The following ELAPOR2 variants were observed in gnomAD, a reference collection of about 807,000 sequenced individuals.
ELAPOR2 encodes the protein endosome-lysosome associated apoptosis and autophagy regulator family member 2.
Under a neutral mutation model 120.7 loss-of-function variants are expected in ELAPOR2, and 89 were observed. The observed-to-expected ratio is 0.74, with a 90% CI of 0.62 to 0.88. The LOEUF is 0.88. Ranked by LOEUF, ELAPOR2 falls within the 40% of genes least tolerant of loss-of-function variation. The probability of loss-of-function intolerance (pLI) is 0.00; values close to 1 mark genes in which losing one functional copy is unlikely to be tolerated. For synonymous variants in ELAPOR2, 444 were observed against 444.9 expected (o/e 1.00, Z 0.03); for missense variants, 1,134 against 1,251.6 (o/e 0.91, Z 1.42).
chr7:86,983,464 C>A (rs1792590315), intron 1 of ELAPOR2, among the ~76,000 whole-genome samples: 1 of 152,164 alleles, frequency 6.6e-6, no homozygotes, highest in South Asian at 2.1e-4. Flanking sequence ...CAAAGGGAAG[C>A]CCAACAGACT....
At chr7:87,017,674 A>G (rs529843577) in intron 1 of ELAPOR2, among the ~76,000 whole-genome samples, 16 of 152,206 alleles carry the variant, frequency 1.1e-4, no homozygotes, top group African/African-American at 2.6e-4. Context: ...TAATCCCAAC[A>G]CTTTGGGAGG....
intron 10 of ELAPOR2, among the ~76,000 whole-genome samples, 195 bp downstream of exon 10, chr7:86,925,333 G>A (rs1315842742): frequency 2.6e-5 from 4 of 151,882 alleles, no homozygotes; most frequent in African/African-American, 9.7e-5. Context: ...TTAATAGTTT[G>A]TTCTTCTATG....
At chr7:87,049,430 C>A (rs916272856) in intron 1 of ELAPOR2, among the ~76,000 whole-genome samples, 1 of 152,058 alleles carries the variant, frequency 6.6e-6, no homozygotes, top group Admixed American at 6.6e-5. Context: ...CACAGGCTCC[C>A]GCCACCATGC....
intron 1 of ELAPOR2, among the ~76,000 whole-genome samples, chr7:86,998,448 G>C (rs576603104): frequency 3.5e-4 from 53 of 152,324 alleles, no homozygotes; most frequent in African/African-American, 1.3e-3. Flanking sequence ...TTATAGAGTA[G>C]TGGAGCTAAA....
chr7:86,936,788 A>G (rs1453784662), intron 8 of ELAPOR2, among the ~76,000 whole-genome samples: 1 of 152,064 alleles, frequency 6.6e-6, no homozygotes, highest in Admixed American at 6.6e-5. Context: ...ATTTTGTCAC[A>G]CTACTTACTG....
At chr7:86,902,695 G>A (rs1248271299) in intron 18 of ELAPOR2, among the ~76,000 whole-genome samples, 2 of 152,130 alleles carry the variant, frequency 1.3e-5, no homozygotes, top group Non-Finnish European at 2.9e-5. Flanking sequence ...AATGGGGTGG[G>A]GCCTTGGGAA....
At chr7:86,889,263 G>A in intron 21 of ELAPOR2, among the ~76,000 whole-genome samples, 1 of 151,932 alleles carries the variant, frequency 6.6e-6, no homozygotes, top group Non-Finnish European at 1.5e-5. Flanking sequence ...CTGGATTAAT[G>A]TATCTGGATT....
chr7:86,954,287 T>C (rs1033433379), intron 2 of ELAPOR2, among the ~76,000 whole-genome samples: 2 of 152,190 alleles, frequency 1.3e-5, no homozygotes, highest in African/African-American at 4.8e-5. Flanking sequence ...TTGAATCATT[T>C]ATATGCTGAT....
At chr7:87,011,754 C>A (rs1793687546) in intron 1 of ELAPOR2, among the ~76,000 whole-genome samples, 2 of 151,958 alleles carry the variant, frequency 1.3e-5, no homozygotes, top group Admixed American at 6.6e-5. Context: ...TACTTTCTAA[C>A]AATATTAAAG....
In ELAPOR2 at chr7:86,938,634, G is replaced by A. The variant is rs571595830; in HGVS notation, c.1000+174C>T. The stretch of plus-strand genomic sequence containing the variant: ...AAATCACAGACCTATACTGGGGAAA[G>A]TCATGCAGAAACGGATAAGATGTCA... On this transcript the variant is annotated intron_variant, in intron 7 of 21. Coordinates refer to ENST00000450689, the MANE Select transcript of ELAPOR2 (RefSeq NM_001142749.3). Among the ~76,000 whole-genome samples, 25 of 152,062 alleles carry A rather than the reference G, an allele frequency of 1.6e-4. 1 individual carries two copies. The highest frequency in any genetic ancestry group is 3.2e-4 in the Non-Finnish European group (22 of 67,992).
At position 86,942,099 on chromosome 7, in the gene ELAPOR2, T is replaced by C. The variant is rs61730519; in HGVS notation, c.660A>G (p.Gln220=). 6.5e-7 allele frequency: 1 copy of C among 1,542,596 alleles called. No homozygotes were observed. ...TGTCCATCTCCTGGCACTGATCATTTTGAATCTGTGGATTAAACACAAGAG... is the reference window on the plus strand; with the variant it reads ...TGTCCATCTCCTGGCACTGATCATTCTGAATCTGTGGATTAAACACAAGAG... ...DNNIFFEFFI[Q]NDQCQEMDTT... The change falls in exon 5 of 22, where the codon CAA becomes CAG. Residue 220 remains glutamine, a synonymous_variant. Transcript: ENST00000450689.
Position 86,942,129 on chromosome 7 carries a change from A to C in ELAPOR2, c.655-25T>G, listed in dbSNP as rs991985141. The C allele has an allele frequency of 3.2e-5, 44 of 1,374,874 alleles. No individual in the cohort carries two copies. The African/African-American group carries it at 5.9e-4, about 18-fold the overall frequency. 85.2% of individuals were successfully genotyped at this position (1,374,874 alleles called of 1,614,324 possible). On this transcript the variant is annotated intron_variant, in intron 4 of 21. Coordinates refer to ENST00000450689, the MANE Select transcript of ELAPOR2 (RefSeq NM_001142749.3). ...TCTGTGGATTAAACACAAGAGCCCT[A>C]GTAAAGTGTCTTGAATAACAGCTTT...
rs1789696741 is a variant in ELAPOR2, at chr7:86,918,989, T to C, written c.1490+231A>G. Among the ~76,000 whole-genome samples the C allele has an allele frequency of 1.3e-5, 2 of 152,302 alleles. 1 individual carries two copies. Among genetic ancestry groups the C allele is most frequent in the Non-Finnish European group, 2.9e-5 (2 of 68,016 alleles). On this transcript the variant is annotated intron_variant, in intron 11 of 21. Transcript: ENST00000450689. ...TTATGGTAGCATTTGGACACACTAT[T>C]GTTTAAATTTTTCAGCTTTATCTAA... is the stretch of plus-strand genomic sequence containing the variant.
chr7:87,040,187 C>A (rs867458110), intron 1 of ELAPOR2, among the ~76,000 whole-genome samples: 48 of 152,342 alleles, frequency 3.2e-4, no homozygotes, highest in Middle Eastern at 3.4e-3. Flanking sequence ...GGCAGCGAGG[C>A]TGGGGGAGAG....
chr7:86,990,269 C>T (rs1172657111), intron 1 of ELAPOR2, among the ~76,000 whole-genome samples: 8 of 152,020 alleles, frequency 5.3e-5, no homozygotes, highest in East Asian at 3.9e-4. Flanking sequence ...AGGATGGTCT[C>T]GATCTCCCGA....
At chr7:86,988,751 C>T (rs912137050) in intron 1 of ELAPOR2, among the ~76,000 whole-genome samples, 3 of 152,242 alleles carry the variant, frequency 2.0e-5, no homozygotes, top group African/African-American at 7.2e-5. Context: ...GACCCCCTCC[C>T]CTGGAGAATC....
intron 1 of ELAPOR2, among the ~76,000 whole-genome samples, chr7:87,051,651 C>T (rs906033324): frequency 6.6e-6 from 1 of 152,156 alleles, no homozygotes; most frequent in Non-Finnish European, 1.5e-5. Flanking sequence ...AGTGGCAGGG[C>T]TCACATTTGC....
At chr7:86,883,685 CAG>C (rs1799542878) in intron 21 of ELAPOR2, among the ~76,000 whole-genome samples, 1 of 152,118 alleles carries the variant, frequency 6.6e-6, no homozygotes, top group Non-Finnish European at 1.5e-5. Flanking sequence ...AGTTCTATAA[CAG>C]ATAACACTAA....
intron 21 of ELAPOR2, among the ~76,000 whole-genome samples, chr7:86,888,658 T>C (rs1220584423): frequency 6.6e-6 from 1 of 152,098 alleles, no homozygotes; most frequent in Non-Finnish European, 1.5e-5. Flanking sequence ...CCATAGCCAT[T>C]ATTTAGTCAT....
Sources: allele counts gnomAD v4.1 joint callset (sites outside exome capture counted in the v4.1 genomes callset), GRCh38; gene constraint gnomAD v4.1.1; transcripts MANE v1.5; gene names NCBI Gene and HGNC (gene_info 2026-07-23, HGNC 2026-07-21).